Variants in ZNF212 observed in about 807,000 individuals in gnomAD.
The protein encoded by ZNF212 is Zinc finger protein C2H2-150.
ZNF212 carries 32 observed loss-of-function variants against 47.3 expected under a neutral mutation model. That is an observed-to-expected ratio of 0.68 (90% CI 0.51 to 0.91). ZNF212 has a LOEUF of 0.91. ZNF212 is among the 40% of genes least tolerant of loss of function. ZNF212 has a pLI of 0.00. For missense variants in ZNF212, 555 were observed against 622.8 expected (o/e 0.89, Z 1.16); for synonymous variants, 242 against 253.8 (o/e 0.95, Z 0.44).
At chr7:149,249,544 C>T (rs1309710723) in intron 1 of ZNF212, among the ~76,000 whole-genome samples, 1 of 152,030 alleles carries the variant, frequency 6.6e-6, no homozygotes. Flanking sequence ...AACATACACG[C>T]TATAATTTCA....
rs189543106 is a variant in ZNF212, at chr7:149,254,936, T to A, written c.*521T>A. ...TGGAATTAGATTTTAGTTGATTTTTTAAAGAATACAGCCCAACACTTGTTT... is the reference window on the plus strand; with the variant it reads ...TGGAATTAGATTTTAGTTGATTTTTAAAAGAATACAGCCCAACACTTGTTT... On this transcript the variant is annotated 3_prime_UTR_variant, in exon 5 of 5. Coordinates refer to ENST00000335870, the MANE Select transcript of ZNF212 (RefSeq NM_012256.4). The surrounding 1 kb of genome is among the most constrained non-coding windows in gnomAD (Gnocchi z 4.5). 1.2e-3 allele frequency: 183 copies of A among 152,990 alleles called. No individual in the cohort carries two copies. Among genetic ancestry groups the A allele is most frequent in the African/African-American group, 4.0e-3 (166 of 41,594 alleles). 9.5% of individuals were successfully genotyped at this position (152,990 alleles called of 1,614,324 possible).
chr7:149,247,778 A>G (rs1182011609), intron 1 of ZNF212, among the ~76,000 whole-genome samples: 4 of 152,210 alleles, frequency 2.6e-5, no homozygotes, highest in Non-Finnish European at 5.9e-5. Flanking sequence ...TTGTGGCAGC[A>G]TAAGTCCAGT....
Position 149,250,946 on chromosome 7 carries a change from C to T in ZNF212, c.541+139C>T, listed in dbSNP as rs544697018. ...CCTGCACGGGCAGAGAAATGCCAGT[C>T]TCTAGGTCCTCCCATTTACAGACCT... is the stretch of plus-strand genomic sequence containing the variant. On this transcript the variant is annotated intron_variant, in intron 3 of 4. Coordinates refer to ENST00000335870, the MANE Select transcript of ZNF212 (RefSeq NM_012256.4). 2.3e-4 allele frequency: 263 copies of T among 1,124,658 alleles called. 1 individual carries two copies. In the East Asian group the frequency reaches 4.2e-3, roughly 18 times the overall value. The allele number at this position is 1,124,658 out of a possible 1,614,324, so 69.7% of individuals were successfully genotyped here.
At chr7:149,239,934 G>A (rs953571749) in intron 1 of ZNF212, 132 bp downstream of exon 1, 9 of 1,077,098 alleles carry the variant, frequency 8.4e-6, no homozygotes, top group African/African-American at 4.9e-5. Flanking sequence ...GCGGGTGAAC[G>A]CGGACCCTCC....
chr7:149,252,303 G>A (rs1033012204), intron 3 of ZNF212, among the ~76,000 whole-genome samples: 2 of 152,190 alleles, frequency 1.3e-5, no homozygotes, highest in Non-Finnish European at 2.9e-5. Context: ...CATTGTGACT[G>A]TTTCCTTGTC....
rs1368855595 is a variant in ZNF212, at chr7:149,254,385, G to A, written c.1458G>A (p.Leu486=). 6.2e-7 allele frequency: 1 copy of A among 1,605,154 alleles called. No individual in the cohort carries two copies. The highest frequency in any genetic ancestry group is 8.5e-7 in the Non-Finnish European group (1 of 1,179,590). The change falls in exon 5 of 5, where the codon CTG becomes CTA. Residue 486 remains leucine, a synonymous_variant. Transcript: ENST00000335870. The surrounding 1 kb of genome is among the most constrained non-coding windows in gnomAD (Gnocchi z 4.5). ...AGCGGGAGCGGGGTGGGCTGGCCCTGGAGCCCGGAAGGCCCAATGGCCTGC... is the reference window on the plus strand; with the variant it reads ...AGCGGGAGCGGGGTGGGCTGGCCCTAGAGCCCGGAAGGCCCAATGGCCTGC... ...IHQRERGGLA[L]EPGRPNGLL is the part of the protein sequence containing the mutation.
At chr7:149,252,021 AGC>A (rs1796768067) in intron 3 of ZNF212, among the ~76,000 whole-genome samples, 1 of 151,958 alleles carries the variant, frequency 6.6e-6, no homozygotes, top group East Asian at 1.9e-4. Context: ...GCTGATCAAA[AGC>A]ATTTTCTTGG....
chr7:149,243,512 A>G (rs1291692383), intron 1 of ZNF212, among the ~76,000 whole-genome samples: 1 of 151,548 alleles, frequency 6.6e-6, no homozygotes, highest in African/African-American at 2.4e-5. Context: ...ACAGTTGAAT[A>G]TAAAAGGTCA....
intron 1 of ZNF212, among the ~76,000 whole-genome samples, chr7:149,244,549 A>G (rs552343026): frequency 8.6e-5 from 13 of 151,076 alleles, no homozygotes; most frequent in East Asian, 4.0e-4. Context: ...TCCTGACCTC[A>G]TGATCCGCCC....
At chr7:149,244,946 G>C (rs543783583) in intron 1 of ZNF212, among the ~76,000 whole-genome samples, 1 of 152,200 alleles carries the variant, frequency 6.6e-6, no homozygotes, top group Non-Finnish European at 1.5e-5. Context: ...ATGCAAAGTA[G>C]ATGATGATGT....
rs952755011 is a variant in ZNF212 at position 149,254,593 on chromosome 7, A to G, written c.*178A>G. On this transcript the variant is annotated 3_prime_UTR_variant, in exon 5 of 5. Transcript: ENST00000335870. This position sits in a 1 kb window ranked among gnomAD's most constrained non-coding sequence, Gnocchi z 4.5. ...TGAAAACCCTGTGGAAGAAGAGTCC[A>G]GGCCAGGTCTTCATCCTGCTGCCAA... 2.1e-6 allele frequency: 2 copies of G among 957,242 alleles called. No individual in the cohort carries two copies. Among genetic ancestry groups the G allele is most frequent in the African/African-American group, 1.6e-5 (1 of 60,780 alleles). The allele number at this position is 957,242 out of a possible 1,614,324, so 59.3% of individuals were successfully genotyped here.
chr7:149,244,742 A>G (rs182477072), intron 1 of ZNF212, among the ~76,000 whole-genome samples: 2 of 152,292 alleles, frequency 1.3e-5, no homozygotes, highest in Non-Finnish European at 2.9e-5. Context: ...TCCCATGTCT[A>G]TTGGTTGATG....
intron 1 of ZNF212, among the ~76,000 whole-genome samples, chr7:149,242,354 A>G (rs1000095419): frequency 6.8e-6 from 1 of 147,724 alleles, no homozygotes; most frequent in African/African-American, 2.5e-5. Context: ...AAAGCAACCA[A>G]AAAAAAAAAA....
chr7:149,253,452 C>G lies in ZNF212; in HGVS notation c.632-107C>G. 11 of 1,383,338 alleles carry G rather than the reference C, an allele frequency of 8.0e-6. No homozygotes were observed. In the South Asian group the frequency reaches 1.5e-4, roughly 18 times the overall value. 85.7% of individuals were successfully genotyped at this position (1,383,338 alleles called of 1,614,324 possible). ...CATCCTCCTCCACGTTATCCTAATTCACTTATTCCTGGGGTGCTTCTGAAA... is the reference window on the plus strand; with the variant it reads ...CATCCTCCTCCACGTTATCCTAATTGACTTATTCCTGGGGTGCTTCTGAAA... On this transcript the variant is annotated intron_variant, in intron 4 of 4. Transcript: ENST00000335870.
chr7:149,245,043 GAT>G (rs773319607), intron 1 of ZNF212, among the ~76,000 whole-genome samples: 3 of 152,152 alleles, frequency 2.0e-5, no homozygotes, highest in Non-Finnish European at 4.4e-5. Flanking sequence ...AACATTGAAA[GAT>G]ATTAAAAATG....
Position 149,254,591 on chromosome 7 carries a change from C to T in ZNF212, c.*176C>T. ...CCTGAAAACCCTGTGGAAGAAGAGT[C>T]CAGGCCAGGTCTTCATCCTGCTGCC... is the stretch of plus-strand genomic sequence containing the variant. On this transcript the variant is annotated 3_prime_UTR_variant, in exon 5 of 5. Transcript: ENST00000335870. This position sits in a 1 kb window ranked among gnomAD's most constrained non-coding sequence, Gnocchi z 4.5. 2 of 978,454 alleles carry T rather than the reference C, an allele frequency of 2.0e-6. No homozygotes were observed. Among genetic ancestry groups the T allele is most frequent in the Non-Finnish European group, 2.9e-6 (2 of 695,582 alleles). 60.6% of individuals were successfully genotyped at this position (978,454 alleles called of 1,614,324 possible).
chr7:149,246,151 A>T (rs1796673068), intron 1 of ZNF212, among the ~76,000 whole-genome samples: 1 of 152,182 alleles, frequency 6.6e-6, no homozygotes, highest in South Asian at 2.1e-4. Context: ...TCTGTTTACA[A>T]ATATTCTCTC....
chr7:149,250,915 T>C, intron 3 of ZNF212, 108 bp downstream of exon 3: 1 of 1,473,334 alleles, frequency 6.8e-7, no homozygotes, highest in Non-Finnish European at 9.2e-7. Context: ...GTGGGTCCTC[T>C]GTCGGCCTGC....
intron 1 of ZNF212, among the ~76,000 whole-genome samples, chr7:149,246,876 G>A (rs1796687017): frequency 1.6e-5 from 2 of 128,640 alleles, no homozygotes; most frequent in Admixed American, 8.9e-5. Context: ...ACAATGGTGT[G>A]ATCTCGGTTC....
Sources: allele counts gnomAD v4.1 joint callset (sites outside exome capture counted in the v4.1 genomes callset), GRCh38; gene constraint gnomAD v4.1.1; non-coding constraint Gnocchi (gnomAD v3.1); transcripts MANE v1.5; gene names NCBI Gene and HGNC (gene_info 2026-07-23, HGNC 2026-07-21).